The following GRM8 variants were observed in gnomAD, a reference collection of about 807,000 sequenced individuals.
GRM8 encodes glutamate metabotropic receptor 8, also known as metabotropic glutamate receptor 8.
Under a neutral mutation model 87.2 loss-of-function variants are expected in GRM8, and 47 were observed. The observed-to-expected ratio is 0.54, with a 90% confidence interval of 0.43 to 0.69. GRM8 has a LOEUF of 0.69. Ranked by LOEUF, GRM8 falls within the 30% of genes least tolerant of loss-of-function variation. GRM8 has a pLI of 0.00. For missense variants in GRM8, 1,019 were observed against 1,139.2 expected (o/e 0.89, Z 1.52); for synonymous variants, 396 against 404.5 (o/e 0.98, Z 0.25).
intron 7 of GRM8, among the ~76,000 whole-genome samples, chr7:126,718,098 G>A (rs1351964185): frequency 9.2e-5 from 14 of 151,964 alleles, no homozygotes; most frequent in African/African-American, 3.1e-4. Flanking sequence ...TTAGCAGGGC[G>A]TGGTGGCAGG....
chr7:127,079,903 T>C (rs1466435725), intron 3 of GRM8, among the ~76,000 whole-genome samples: 2 of 152,204 alleles, frequency 1.3e-5, no homozygotes, highest in Non-Finnish European at 1.5e-5. Flanking sequence ...ACAGATACAA[T>C]GTCCTTTGGA....
chr7:126,906,697 G>A (rs1467808586), intron 3 of GRM8, among the ~76,000 whole-genome samples: 2 of 152,190 alleles, frequency 1.3e-5, no homozygotes, highest in Non-Finnish European at 2.9e-5. Context: ...TACAGCAGAT[G>A]TATGAGTAAC....
intron 9 of GRM8, chr7:126,511,022 T>A (rs1300934760): frequency 6.6e-6 from 1 of 152,122 alleles, no homozygotes; most frequent in African/African-American, 2.4e-5. Context: ...AGCAGACAGG[T>A]AAGAAGCCAT....
intron 7 of GRM8, among the ~76,000 whole-genome samples, chr7:126,662,890 A>G (rs1455528979): frequency 2.6e-5 from 4 of 152,208 alleles, no homozygotes; most frequent in South Asian, 2.1e-4. Context: ...ACAACTGTCA[A>G]TTAAAGAATG....
At chr7:126,665,064 T>C (rs1805614936) in intron 7 of GRM8, among the ~76,000 whole-genome samples, 1 of 152,120 alleles carries the variant, frequency 6.6e-6, no homozygotes, top group Admixed American at 6.5e-5. Context: ...CTACATGAGA[T>C]ACCATCTCAC....
intron 8 of GRM8, among the ~76,000 whole-genome samples, chr7:126,603,142 T>TTA (rs1362764404): frequency 3.4e-5 from 5 of 146,266 alleles, no homozygotes; most frequent in African/African-American, 1.0e-4. Flanking sequence ...AACCACATGA[T>TTA]TATCTCAATA....
intron 2 of GRM8, among the ~76,000 whole-genome samples, chr7:127,165,854 G>A (rs1009971724): frequency 1.3e-5 from 2 of 152,110 alleles, no homozygotes; most frequent in Non-Finnish European, 2.9e-5. Flanking sequence ...GATCCCAAAA[G>A]AAGCTGCTAA....
chr7:127,251,530 G>T (rs115802535), intron 1 of GRM8, among the ~76,000 whole-genome samples: 2,643 of 152,188 alleles, frequency 0.017, 87 homozygotes, highest in African/African-American at 0.061. Context: ...CCCAGCGCAG[G>T]TTCCTTTTTC....
chr7:126,744,314 AAATGAAT>A (rs1429494613), intron 7 of GRM8, among the ~76,000 whole-genome samples: 1 of 152,044 alleles, frequency 6.6e-6, no homozygotes, highest in Non-Finnish European at 1.5e-5. Flanking sequence ...TTTTTCTTAA[AAATGAAT>A]AAACTTAAAC....
chr7:127,226,208 C>A (rs1053961619), intron 2 of GRM8, among the ~76,000 whole-genome samples: 1 of 152,182 alleles, frequency 6.6e-6, no homozygotes, highest in Non-Finnish European at 1.5e-5. Context: ...TTCTTTCCAA[C>A]CTCTCATGTT....
chr7:127,105,898 C>T (rs1284201945), intron 3 of GRM8, among the ~76,000 whole-genome samples: 1 of 152,060 alleles, frequency 6.6e-6, no homozygotes, highest in Non-Finnish European at 1.5e-5. Flanking sequence ...GGATAAGCAC[C>T]TTGAAAAAAA....
chr7:127,194,520 T>C (rs976000481), intron 2 of GRM8, among the ~76,000 whole-genome samples: 1 of 152,186 alleles, frequency 6.6e-6, no homozygotes, highest in African/African-American at 2.4e-5. Flanking sequence ...TGCATAATAA[T>C]GAAAGGACAA....
chr7:126,915,421 T>C (rs962274393), intron 3 of GRM8, among the ~76,000 whole-genome samples: 8 of 152,196 alleles, frequency 5.3e-5, no homozygotes, highest in Admixed American at 3.9e-4. Flanking sequence ...TTTCATCAAG[T>C]GATATTCACC....
chr7:127,229,195 C>T (rs1797528783), intron 2 of GRM8: 1 of 152,128 alleles, frequency 6.6e-6, no homozygotes, highest in African/African-American at 2.4e-5. Context: ...ATTAAAATCC[C>T]TATTCTCCCA....
intron 2 of GRM8, among the ~76,000 whole-genome samples, chr7:127,182,828 T>C (rs956321503): frequency 1.6e-4 from 24 of 151,750 alleles, no homozygotes; most frequent in Admixed American, 1.4e-3. Context: ...TTCTAACTAA[T>C]ATGTCAGAGC....
chr7:127,163,195 T>C (rs954750296), intron 2 of GRM8, among the ~76,000 whole-genome samples: 2 of 152,134 alleles, frequency 1.3e-5, no homozygotes, highest in African/African-American at 4.8e-5. Context: ...ACAGGGAGCA[T>C]AGACCTGGCA....
intron 6 of GRM8, among the ~76,000 whole-genome samples, chr7:126,874,585 G>A (rs1258839661): frequency 1.3e-5 from 2 of 152,010 alleles, no homozygotes; most frequent in Non-Finnish European, 2.9e-5. Context: ...ACACGACCCT[G>A]TAAGTAAGCA....
intron 9 of GRM8, among the ~76,000 whole-genome samples, chr7:126,470,616 G>C (rs1407861423): frequency 1.3e-5 from 2 of 152,002 alleles, no homozygotes; most frequent in African/African-American, 4.8e-5. Context: ...TTGCTTCCAA[G>C]TCTTTGCTAT....
chr7:126,931,930 T>G (rs1276137313), intron 3 of GRM8, among the ~76,000 whole-genome samples: 1 of 152,222 alleles, frequency 6.6e-6, no homozygotes, highest in African/African-American at 2.4e-5. Flanking sequence ...TCAAAATAAC[T>G]ATTGCCCTTC....
Sources: allele counts gnomAD v4.1 joint callset (sites outside exome capture counted in the v4.1 genomes callset), GRCh38; gene constraint gnomAD v4.1.1; transcripts MANE v1.5; gene names NCBI Gene and HGNC (gene_info 2026-07-23, HGNC 2026-07-21).